Variants in ULK4 observed in about 807,000 individuals in gnomAD.
ULK4 encodes unc-51 like kinase 4.
In ULK4, 133 loss-of-function variants were observed where a neutral mutation model predicts 160.6. That is an observed-to-expected ratio of 0.83 (90% CI 0.72 to 0.96). ULK4 has a LOEUF of 0.96. Ranked by LOEUF, ULK4 falls within the 40% of genes least tolerant of loss-of-function variation. The probability of loss-of-function intolerance (pLI) is 0.00; values close to 1 mark genes in which losing one functional copy is unlikely to be tolerated. For missense variants in ULK4, 1,580 were observed against 1,499.5 expected, an observed-to-expected ratio of 1.05 and a Z score of -0.89; for synonymous variants, 534 against 539.8, an observed-to-expected ratio of 0.99 and a Z score of 0.15.
intron 31 of ULK4, among the ~76,000 whole-genome samples, chr3:41,587,647 T>G (rs1405289737): frequency 2.0e-5 from 3 of 152,148 alleles, no homozygotes; most frequent in African/African-American, 7.2e-5. Flanking sequence ...TGTAACTAGA[T>G]AAAGTCACAT....
intron 22 of ULK4, among the ~76,000 whole-genome samples, chr3:41,753,200 C>T (rs1171015080): frequency 6.6e-6 from 1 of 152,164 alleles, no homozygotes; most frequent in African/African-American, 2.4e-5. Flanking sequence ...GCCTGGGCAA[C>T]AGAGTAAGAC....
rs1413873660 is a variant in ULK4 at position 41,717,719 on chromosome 3, C to A, written c.2455+9G>T. The A allele has an allele frequency of 1.2e-6, 2 of 1,607,542 alleles. No individual in the cohort carries two copies. Among genetic ancestry groups the A allele is most frequent in the Non-Finnish European group, 1.7e-6 (2 of 1,175,034 alleles). On this transcript the variant is annotated intron_variant, in intron 23 of 36. Transcript: ENST00000301831. ...AGAAATGGGGCCTGAGGATGAGACTCCAATTTACCCAGGATTCGTGGCAGC... is the reference window on the plus strand; with the variant it reads ...AGAAATGGGGCCTGAGGATGAGACTACAATTTACCCAGGATTCGTGGCAGC...
At chr3:41,741,372 T>C (rs56784811) in intron 22 of ULK4, among the ~76,000 whole-genome samples, 17,453 of 151,848 alleles carry the variant, frequency 0.11, 3,524 homozygotes, top group African/African-American at 0.39. Context: ...ATAACTCTGC[T>C]CTTGCCTTTT....
intron 30 of ULK4, 131 bp from the exon 31 acceptor site, chr3:41,615,848 C>A: frequency 1.2e-6 from 1 of 839,070 alleles, no homozygotes. Context: ...TATGATTAAA[C>A]ATTCTTTTTA....
intron 29 of ULK4, among the ~76,000 whole-genome samples, chr3:41,678,227 G>T (rs866268911): frequency 7.6e-6 from 1 of 132,000 alleles, no homozygotes; most frequent in African/African-American, 2.8e-5. Context: ...CACACACACA[G>T]AGCTCCTACT....
chr3:41,852,633 C>G (rs182308786), intron 17 of ULK4, among the ~76,000 whole-genome samples: 5 of 152,074 alleles, frequency 3.3e-5, no homozygotes, highest in African/African-American at 1.2e-4. Flanking sequence ...AACAGGACAA[C>G]AGAGAGATAG....
intron 22 of ULK4, among the ~76,000 whole-genome samples, chr3:41,748,797 T>C (rs949945099): frequency 2.6e-5 from 4 of 152,224 alleles, no homozygotes; most frequent in African/African-American, 9.6e-5. Flanking sequence ...AAGGTATTAA[T>C]AGTATGCTAT....
At chr3:41,559,050 C>G (rs554163691) in intron 32 of ULK4, among the ~76,000 whole-genome samples, 2 of 137,636 alleles carry the variant, frequency 1.5e-5, no homozygotes, top group Non-Finnish European at 3.0e-5. Context: ...CAACAGGCCC[C>G]GGTGTATCAT....
At chr3:41,862,798 C>T (rs565798147) in intron 17 of ULK4, among the ~76,000 whole-genome samples, 7 of 150,600 alleles carry the variant, frequency 4.6e-5, no homozygotes, top group South Asian at 2.1e-4. Context: ...CTCCCCCCCC[C>T]CTTTCTCTCT....
At chr3:41,715,352 A>AC in intron 24 of ULK4, 59 bp from the exon 25 acceptor site, 1 of 1,609,042 alleles carries the variant, frequency 6.2e-7, no homozygotes, top group Non-Finnish European at 8.5e-7. Context: ...CGTTAGCTCA[A>AC]TAAAAAAAAA....
At chr3:41,541,194 C>T (rs1575384318) in intron 32 of ULK4, among the ~76,000 whole-genome samples, 1 of 152,006 alleles carries the variant, frequency 6.6e-6, no homozygotes, top group Non-Finnish European at 1.5e-5. Flanking sequence ...CATCCTGAAT[C>T]AACTTTTGTA....
intron 22 of ULK4, among the ~76,000 whole-genome samples, chr3:41,739,774 C>G (rs2038181115): frequency 6.6e-6 from 1 of 151,878 alleles, no homozygotes; most frequent in Non-Finnish European, 1.5e-5. Flanking sequence ...GCTCAATGGG[C>G]CTGTGTACCA....
chr3:41,698,976 T>C (rs2036586248), intron 27 of ULK4, among the ~76,000 whole-genome samples: 2 of 152,226 alleles, frequency 1.3e-5, no homozygotes, highest in Admixed American at 6.5e-5. Flanking sequence ...GATCATTTGT[T>C]TTCTCTGTGG....
At chr3:41,338,254 C>A (rs1430988115) in intron 35 of ULK4, among the ~76,000 whole-genome samples, 1 of 152,168 alleles carries the variant, frequency 6.6e-6, no homozygotes, top group East Asian at 1.9e-4. Context: ...TTGAAACAGG[C>A]ATGAGGAGGC....
At chr3:41,628,808 G>T (rs2033630754) in intron 30 of ULK4, among the ~76,000 whole-genome samples, 1 of 152,200 alleles carries the variant, frequency 6.6e-6, no homozygotes. Context: ...GTGAAAGCTG[G>T]CTGAAGGACA....
intron 32 of ULK4, among the ~76,000 whole-genome samples, chr3:41,510,100 A>T (rs878996271): frequency 6.6e-6 from 1 of 152,228 alleles, no homozygotes; most frequent in Non-Finnish European, 1.5e-5. Context: ...CTAACACATA[A>T]GAACTCACAT....
intron 21 of ULK4, among the ~76,000 whole-genome samples, chr3:41,784,982 A>G (rs2039958721): frequency 6.6e-6 from 1 of 152,244 alleles, no homozygotes; most frequent in South Asian, 2.1e-4. Context: ...AGAAAAATAC[A>G]GCATGTGGCT....
intron 35 of ULK4, among the ~76,000 whole-genome samples, chr3:41,311,518 C>T (rs1490170130): frequency 6.6e-6 from 1 of 152,116 alleles, no homozygotes; most frequent in African/African-American, 2.4e-5. Flanking sequence ...AGCTTGCAGG[C>T]AGCCTATTGT....
chr3:41,505,451 C>T (rs2085344226), intron 32 of ULK4, among the ~76,000 whole-genome samples: 1 of 152,118 alleles, frequency 6.6e-6, no homozygotes, highest in Admixed American at 6.6e-5. Flanking sequence ...TATGAACATC[C>T]TAATGTTCAA....
Sources: gnomAD v4.1 joint callset for allele counts (sites outside exome capture counted in the v4.1 genomes callset) on GRCh38, gnomAD v4.1.1 for gene constraint, MANE v1.5 for transcripts, NCBI Gene and HGNC (gene_info 2026-07-23, HGNC 2026-07-21) for gene names.